KCNQ3: variants seen among roughly 807,000 people sequenced by gnomAD.
The protein encoded by KCNQ3 is potassium voltage-gated channel subfamily KQT member 3.
Under a neutral mutation model 92.5 loss-of-function variants are expected in KCNQ3, and 30 were observed. That is an observed-to-expected ratio of 0.32 (90% CI 0.24 to 0.44). KCNQ3 has a LOEUF of 0.44. Ranked by LOEUF, KCNQ3 falls within the 20% of genes least tolerant of loss-of-function variation. KCNQ3 has a pLI of 1.00. For synonymous variants in KCNQ3, 450 were observed against 468.8 expected (o/e 0.96, Z 0.52); for missense variants, 913 against 1,140.3 (o/e 0.80, Z 2.87).
chr8:132,407,127 G>C (rs1820506003), intron 1 of KCNQ3, among the ~76,000 whole-genome samples: 1 of 152,214 alleles, frequency 6.6e-6, no homozygotes, highest in South Asian at 2.1e-4. Flanking sequence ...CCGAGGAAGA[G>C]AGAGAAAAAG....
intron 1 of KCNQ3, among the ~76,000 whole-genome samples, chr8:132,394,703 AG>A (rs1336565513): frequency 6.6e-6 from 1 of 152,132 alleles, no homozygotes; most frequent in African/African-American, 2.4e-5. Context: ...GAGAAGTTCA[AG>A]GACTTCCCAG....
chr8:132,259,324 C>T (rs1010550157), intron 1 of KCNQ3, among the ~76,000 whole-genome samples: 10 of 151,954 alleles, frequency 6.6e-5, no homozygotes, highest in Admixed American at 5.9e-4. Flanking sequence ...AGATTTATCC[C>T]GGTAATGCAA....
At chr8:132,167,471 G>C (rs969414703) in intron 8 of KCNQ3, among the ~76,000 whole-genome samples, 2 of 152,178 alleles carry the variant, frequency 1.3e-5, no homozygotes, top group Non-Finnish European at 2.9e-5. Flanking sequence ...CAAGAAAGTT[G>C]TTATTAAAAC....
intron 1 of KCNQ3, among the ~76,000 whole-genome samples, 154 bp downstream of exon 1, chr8:132,479,993 C>CACACACACACAG (rs1554660743): frequency 6.7e-6 from 1 of 148,538 alleles, no homozygotes; most frequent in Non-Finnish European, 1.5e-5. Flanking sequence ...CACACACACA[C>CACACACACACAG]CCAGGGAAAC....
In KCNQ3 at chr8:132,451,241, T is replaced by C. The variant is rs184932791; in HGVS notation, c.386+28906A>G. Among the ~76,000 whole-genome samples, 626 of 152,346 alleles carry C rather than the reference T, an allele frequency of 4.1e-3. 5 individuals are homozygous for C. Among genetic ancestry groups the C allele is most frequent in the Non-Finnish European group, 6.1e-3 (416 of 68,032 alleles). ...CTGCCATGTAAAACGTGACTTTGCT[T>C]CTCCTTTGCCTTCTGCCATGATTGT... On this transcript the variant is annotated intron_variant, in intron 1 of 14. Coordinates refer to ENST00000388996, the MANE Select transcript of KCNQ3 (RefSeq NM_004519.4).
intron 1 of KCNQ3, among the ~76,000 whole-genome samples, chr8:132,436,499 A>AT (rs1444500894): frequency 2.0e-5 from 3 of 152,208 alleles, no homozygotes; most frequent in Admixed American, 2.0e-4. Context: ...CTCTCTTCAA[A>AT]TGATACCATA....
intron 1 of KCNQ3, among the ~76,000 whole-genome samples, chr8:132,400,897 GT>G (rs543129304): frequency 1.3e-5 from 2 of 152,334 alleles, no homozygotes; most frequent in South Asian, 4.1e-4. Flanking sequence ...AGGTAGCATT[GT>G]TGGTCGCACA....
chr8:132,162,755 T>C (rs757712293), intron 9 of KCNQ3, among the ~76,000 whole-genome samples: 31 of 152,200 alleles, frequency 2.0e-4, no homozygotes, highest in Non-Finnish European at 2.8e-4. Context: ...GGATTTGACT[T>C]GGCCTCCCAA....
chr8:132,138,963 C>T lies in KCNQ3; in HGVS notation c.1569-947G>A, dbSNP rs138906522. 3.3e-5 allele frequency among the ~76,000 whole-genome samples: 5 copies of T among 152,274 alleles called. No individual in the cohort carries two copies. In the East Asian group the frequency reaches 9.6e-4, roughly 29 times the overall value. ...AGGTGAGAATCTATAAACTAAGGCTCACAGGCCAACTCTGGCTCACTGCCT... is the reference window on the plus strand; with the variant it reads ...AGGTGAGAATCTATAAACTAAGGCTTACAGGCCAACTCTGGCTCACTGCCT... On this transcript the variant is annotated intron_variant, in intron 11 of 14. Transcript: ENST00000388996.
intron 1 of KCNQ3, among the ~76,000 whole-genome samples, chr8:132,369,376 TTG>T (rs1819408850): frequency 6.6e-6 from 1 of 152,150 alleles, no homozygotes; most frequent in Non-Finnish European, 1.5e-5. Context: ...TCTCCATAAA[TTG>T]TTTGAAATTC....
rs1822535652 is a variant in KCNQ3 at position 132,480,540 on chromosome 8, G to GC, written c.-9dup. 1.6e-6 allele frequency: 2 copies of GC among 1,245,450 alleles called. No individual in the cohort carries two copies. The highest frequency in any genetic ancestry group is 1.6e-5 in the African/African-American group (1 of 63,274). 77.1% of individuals were successfully genotyped at this position (1,245,450 alleles called of 1,614,324 possible). ...GCGCGCCTTGAGCCCCATCTGCCTC[G>GC]CCCCCGCCGGCCGCTTCGCCTTCTC... On this transcript the variant is annotated 5_prime_UTR_variant, in exon 1 of 15. Coordinates refer to ENST00000388996, the MANE Select transcript of KCNQ3 (RefSeq NM_004519.4).
At chr8:132,363,345 GGTAA>G (rs148895855) in intron 1 of KCNQ3, among the ~76,000 whole-genome samples, 6,047 of 152,120 alleles carry the variant, frequency 0.04, 344 homozygotes, top group African/African-American at 0.13. Context: ...CCAAAAGATG[GGTAA>G]GTGTTTCCCA....
At chr8:132,294,680 G>C (rs1257974857) in intron 1 of KCNQ3, among the ~76,000 whole-genome samples, 4 of 152,164 alleles carry the variant, frequency 2.6e-5, no homozygotes, top group Non-Finnish European at 2.9e-5. Flanking sequence ...CATCAAGCTG[G>C]TCACACTGGC....
chr8:132,229,850 T>A (rs916600710), intron 1 of KCNQ3, among the ~76,000 whole-genome samples: 3 of 152,086 alleles, frequency 2.0e-5, no homozygotes, highest in Admixed American at 6.5e-5. Context: ...GCTGAATGCA[T>A]TAGGATTCTA....
chr8:132,438,563 G>A (rs546580257), intron 1 of KCNQ3, among the ~76,000 whole-genome samples: 2 of 152,134 alleles, frequency 1.3e-5, no homozygotes, highest in Non-Finnish European at 2.9e-5. Flanking sequence ...CCCCTGCAAC[G>A]TGTGGGTGCG....
intron 1 of KCNQ3, among the ~76,000 whole-genome samples, chr8:132,218,302 T>C (rs914857285): frequency 2.2e-4 from 34 of 152,168 alleles, no homozygotes; most frequent in African/African-American, 8.2e-4. Flanking sequence ...GGATGGCGCA[T>C]AAAACAGAAA....
At chr8:132,400,578 A>G (rs1304457557) in intron 1 of KCNQ3, among the ~76,000 whole-genome samples, 1 of 152,236 alleles carries the variant, frequency 6.6e-6, no homozygotes, top group African/African-American at 2.4e-5. Flanking sequence ...CCCCCACACC[A>G]GATCCAGCCA....
At chr8:132,281,248 T>A (rs1163757289) in intron 1 of KCNQ3, among the ~76,000 whole-genome samples, 2 of 152,088 alleles carry the variant, frequency 1.3e-5, no homozygotes, top group Non-Finnish European at 2.9e-5. Context: ...GAAAGCTCTG[T>A]CTCCTGAAAA....
At chr8:132,217,195 C>A (rs1169477460) in intron 1 of KCNQ3, among the ~76,000 whole-genome samples, 2 of 152,120 alleles carry the variant, frequency 1.3e-5, no homozygotes, top group Non-Finnish European at 2.9e-5. Flanking sequence ...CCAGAGAAAC[C>A]GGCAAACATG....
Sources: gnomAD v4.1 joint callset for allele counts (sites outside exome capture counted in the v4.1 genomes callset) on GRCh38, gnomAD v4.1.1 for gene constraint, MANE v1.5 for transcripts, NCBI Gene and HGNC (gene_info 2026-07-23, HGNC 2026-07-21) for gene names.